MEIKIN: variants seen among roughly 807,000 people sequenced by gnomAD.
MEIKIN encodes the protein meiosis-specific kinetochore protein.
At chr5:131,932,437 C>G (rs899025523) in intron 5 of MEIKIN, among the ~76,000 whole-genome samples, 1 of 152,158 alleles carries the variant, frequency 6.6e-6, no homozygotes, top group Admixed American at 6.5e-5. Flanking sequence ...TGGGGTTCCA[C>G]GAGAGAGGCA....
At chr5:131,829,293 C>T (rs1263782236) in intron 11 of MEIKIN, among the ~76,000 whole-genome samples, 2 of 152,158 alleles carry the variant, frequency 1.3e-5, no homozygotes, top group African/African-American at 4.8e-5. Flanking sequence ...CATGAAAAGT[C>T]TCAAACAATT....
At chr5:131,825,030 A>AAAG (rs148275513) in intron 11 of MEIKIN, among the ~76,000 whole-genome samples, 3,986 of 151,554 alleles carry the variant, frequency 0.026, 172 homozygotes, top group African/African-American at 0.088. Flanking sequence ...ACTGAAAAAA[A>AAAG]AAGAAGAAGA....
At chr5:131,891,782 C>T (rs376986474) in intron 8 of MEIKIN, among the ~76,000 whole-genome samples, 6 of 152,148 alleles carry the variant, frequency 3.9e-5, no homozygotes, top group African/African-American at 1.4e-4. Flanking sequence ...TTATTTTGCT[C>T]ATTAGTTGAT....
chr5:131,923,830 T>G (rs966132887), intron 5 of MEIKIN, among the ~76,000 whole-genome samples: 1 of 152,042 alleles, frequency 6.6e-6, no homozygotes, highest in African/African-American at 2.4e-5. Flanking sequence ...AAATTATTTT[T>G]ATAGTTAGAA....
intron 5 of MEIKIN, among the ~76,000 whole-genome samples, chr5:131,926,200 T>C (rs1751584198): frequency 6.6e-6 from 1 of 152,190 alleles, no homozygotes; most frequent in South Asian, 2.1e-4. Flanking sequence ...CTTTATTATG[T>C]TGAGGTAATT....
At chr5:131,878,234 T>C (rs368000081) in intron 9 of MEIKIN, among the ~76,000 whole-genome samples, 1 of 152,180 alleles carries the variant, frequency 6.6e-6, no homozygotes, top group Non-Finnish European at 1.5e-5. Context: ...CCAAAATGCT[T>C]TTAATTATTG....
At chr5:131,815,948 C>T (rs1715572750) in intron 12 of MEIKIN, among the ~76,000 whole-genome samples, 1 of 152,182 alleles carries the variant, frequency 6.6e-6, no homozygotes, top group Non-Finnish European at 1.5e-5. Context: ...ATTAGTTAGG[C>T]AAGTATCTTT....
intron 8 of MEIKIN, among the ~76,000 whole-genome samples, chr5:131,897,090 T>A (rs913273636): frequency 1.3e-5 from 2 of 152,328 alleles, no homozygotes; most frequent in African/African-American, 4.8e-5. Flanking sequence ...GGTGACAAAA[T>A]CTCTCAGCAT....
chr5:131,820,041 C>T lies in MEIKIN; in HGVS notation c.976-1178G>A, dbSNP rs1411277715. On this transcript the variant is annotated intron_variant, in intron 11 of 12. Coordinates refer to ENST00000442687, the MANE Select transcript of MEIKIN (RefSeq NM_001303622.2). ...CCGCCCGCCTCGGCCTCCCAAAGTG[C>T]TGGGATTACAGGCGTGAGCCACCGC... Among the ~76,000 whole-genome samples the T allele has an allele frequency of 4.2e-5, 6 of 143,676 alleles. No homozygotes were observed. The South Asian group carries it at 8.9e-4, about 21-fold the overall frequency. 94.3% of individuals were successfully genotyped at this position (143,676 alleles called of 152,430 possible).
chr5:131,834,684 C>T (rs987160132), intron 11 of MEIKIN, among the ~76,000 whole-genome samples: 1 of 152,166 alleles, frequency 6.6e-6, no homozygotes, highest in African/African-American at 2.4e-5. Flanking sequence ...ATGTATGTCA[C>T]ATTTTCTTTA....
rs146610804 is a variant in MEIKIN at position 131,893,574 on chromosome 5, G to A, written c.704-14526C>T. Among the ~76,000 whole-genome samples the A allele has an allele frequency of 9.0e-3, 1,370 of 152,276 alleles. 18 individuals carry two copies. The highest frequency in any genetic ancestry group is 0.031 in the African/African-American group (1,288 of 41,552). On this transcript the variant is annotated intron_variant, in intron 8 of 12. Coordinates refer to ENST00000442687, the MANE Select transcript of MEIKIN (RefSeq NM_001303622.2). ...GATGCCTCGCCCTGCTTCAGCTCAC[G>A]CATGGTGTGCTGCACCCACTGTCCT...
At chr5:131,836,481 C>G (rs1050982821) in intron 11 of MEIKIN, among the ~76,000 whole-genome samples, 1 of 152,182 alleles carries the variant, frequency 6.6e-6, no homozygotes, top group African/African-American at 2.4e-5. Flanking sequence ...ATAATGCTTT[C>G]CACAATGGTT....
intron 12 of MEIKIN, among the ~76,000 whole-genome samples, chr5:131,812,870 A>C (rs967845619): frequency 2.0e-5 from 3 of 151,688 alleles, no homozygotes; most frequent in Non-Finnish European, 3.0e-5. Flanking sequence ...TTCCATCCTC[A>C]GTGGAAAACT....
At chr5:131,892,796 T>A (rs1197060795) in intron 8 of MEIKIN, among the ~76,000 whole-genome samples, 1 of 152,186 alleles carries the variant, frequency 6.6e-6, no homozygotes, top group Non-Finnish European at 1.5e-5. Flanking sequence ...GTGCTCTGAT[T>A]TTTAGAGTTT....
intron 9 of MEIKIN, among the ~76,000 whole-genome samples, chr5:131,866,103 G>T (rs935375926): frequency 6.6e-6 from 1 of 152,202 alleles, no homozygotes; most frequent in African/African-American, 2.4e-5. Context: ...GCATGGCATG[G>T]CCAATGGCAG....
rs1214888357 is a variant in MEIKIN at position 131,825,949 on chromosome 5, AC to A, written c.976-7087del. ...AAGAGCAGAGAGAAAATGACTGTCA[AC>A]TTAGAAATGTGTACCAAGAAAAACT... On this transcript the variant is annotated intron_variant, in intron 11 of 12. Transcript: ENST00000442687. 5.3e-5 allele frequency among the ~76,000 whole-genome samples: 8 copies of A among 152,368 alleles called. No individual in the cohort carries two copies. In the East Asian group the frequency reaches 1.5e-3, roughly 29 times the overall value.
intron 8 of MEIKIN, among the ~76,000 whole-genome samples, chr5:131,894,806 C>T (rs957583081): frequency 2.6e-5 from 4 of 152,136 alleles, no homozygotes; most frequent in Non-Finnish European, 4.4e-5. Context: ...TGGCCTGTGA[C>T]GATGGGGTTT....
Position 131,944,687 on chromosome 5 carries a change from T to A in MEIKIN, c.266A>T (p.Asp89Val), listed in dbSNP as rs568040066. The change falls in exon 3 of 13, where the codon GAT becomes GTT. Residue 89 changes from aspartate (D) to valine (V), a missense_variant. By Grantham distance (152) the Asp-to-Val change is radical (BLOSUM62 -3). Coordinates refer to ENST00000442687, the MANE Select transcript of MEIKIN (RefSeq NM_001303622.2). ...TACACGCAACGATGCAATCTTCTCA[T>A]CCTGGGTGTCTTCACTAGACCTATT... ...QENRSSEDTQ[D>V]EKIASLRESV... is the part of the protein sequence containing the mutation. 2 of 399,114 alleles carry A rather than the reference T, an allele frequency of 5.0e-6. No individual in the cohort carries two copies. Among genetic ancestry groups the A allele is most frequent in the African/African-American group, 4.1e-5 (2 of 48,764 alleles). The allele number at this position is 399,114 out of a possible 1,614,324, so 24.7% of individuals were successfully genotyped here. A position where few individuals can be genotyped will look rare whatever the true frequency, so the allele number is the denominator to read the frequency against.
At chr5:131,880,943 T>G (rs180670841) in intron 8 of MEIKIN, among the ~76,000 whole-genome samples, 1 of 152,352 alleles carries the variant, frequency 6.6e-6, no homozygotes, top group East Asian at 1.9e-4. Context: ...AAAAATTATT[T>G]GCTGTTTATT....
Sources: allele counts gnomAD v4.1 joint callset (sites outside exome capture counted in the v4.1 genomes callset), GRCh38; gene constraint gnomAD v4.1.1; transcripts MANE v1.5; gene names NCBI Gene and HGNC (gene_info 2026-07-23, HGNC 2026-07-21).